Variants in C3orf70 observed in about 807,000 individuals in gnomAD.
C3orf70 encodes the protein chromosome 3 open reading frame 70.
C3orf70 carries 15 observed loss-of-function variants against 20.7 expected under a neutral mutation model. That is an observed-to-expected ratio of 0.72 (90% CI 0.48 to 1.11). The LOEUF (loss-of-function observed/expected upper bound fraction) is 1.11. Among genes scored for constraint, C3orf70 ranks in the 50% most tolerant of loss-of-function variants. The pLI is 0.00. For synonymous variants in C3orf70, 161 were observed against 125.7 expected (o/e 1.28, Z -1.88); for missense variants, 332 against 317.6 (o/e 1.05, Z -0.34).
chr3:185,133,516 G>A (rs908276264), intron 1 of C3orf70, among the ~76,000 whole-genome samples: 15 of 152,166 alleles, frequency 9.9e-5, no homozygotes, highest in African/African-American at 2.9e-4. Flanking sequence ...GCCGAGGCAG[G>A]CGGATCACCT....
intron 1 of C3orf70, among the ~76,000 whole-genome samples, chr3:185,124,527 G>C (rs1577329691): frequency 6.6e-6 from 1 of 152,166 alleles, no homozygotes; most frequent in African/African-American, 2.4e-5. Flanking sequence ...TGTAAATAAA[G>C]GAGTCCTAGA....
At chr3:185,117,115 T>G (rs1716191688) in intron 1 of C3orf70, among the ~76,000 whole-genome samples, 2 of 152,164 alleles carry the variant, frequency 1.3e-5, no homozygotes, top group Admixed American at 1.3e-4. Flanking sequence ...AAACCACATT[T>G]ATGGAAAATC....
intron 1 of C3orf70, among the ~76,000 whole-genome samples, chr3:185,127,999 T>C (rs777661507): frequency 9.2e-5 from 14 of 152,156 alleles, no homozygotes; most frequent in Non-Finnish European, 1.8e-4. Context: ...TTATAGTTCT[T>C]ATACAACTGC....
intron 1 of C3orf70, among the ~76,000 whole-genome samples, chr3:185,087,966 C>T (rs987966535): frequency 3.4e-5 from 5 of 147,566 alleles, no homozygotes; most frequent in African/African-American, 1.3e-4. Flanking sequence ...GGCTGGAGGG[C>T]AATAGCACGA....
intron 1 of C3orf70, among the ~76,000 whole-genome samples, chr3:185,141,233 A>C (rs191482532): frequency 3.3e-5 from 5 of 152,314 alleles, no homozygotes; most frequent in Admixed American, 2.0e-4. Flanking sequence ...CAGAATGCCT[A>C]AAATAAAGAC....
chr3:185,100,799 A>G (rs1715806038), intron 1 of C3orf70, among the ~76,000 whole-genome samples: 1 of 152,134 alleles, frequency 6.6e-6, no homozygotes. Context: ...CACTACCTAG[A>G]CTAATAAAGA....
chr3:185,096,025 G>A (rs572626985), intron 1 of C3orf70, among the ~76,000 whole-genome samples: 14 of 152,184 alleles, frequency 9.2e-5, no homozygotes, highest in African/African-American at 1.4e-4. Context: ...GTGAACCACC[G>A]CGCCTGGCCA....
At chr3:185,141,377 G>T (rs1352544513) in intron 1 of C3orf70, among the ~76,000 whole-genome samples, 2 of 151,598 alleles carry the variant, frequency 1.3e-5, no homozygotes, top group Non-Finnish European at 2.9e-5. Context: ...AACGAAACAT[G>T]TAACTACCAT....
Position 185,091,939 on chromosome 3 carries a change from ATATATATATATATATATATATATATT to A in C3orf70, c.197-8402_197-8377del, listed in dbSNP as rs1423952457. On this transcript the variant is annotated intron_variant, in intron 1 of 1. Transcript: ENST00000335012. ...TATATATATATATATATATATATATATATATATATATATATATATATATATTTTTTTTTTTTTTTAGTAGAGACAGG... is the reference window on the plus strand; with the variant it reads ...TATATATATATATATATATATATATATTTTTTTTTTTTTAGTAGAGACAGG... 4.4e-3 allele frequency among the ~76,000 whole-genome samples: 26 copies of A among 5,878 alleles called. 2 individuals carry two copies. The highest frequency in any genetic ancestry group is 0.014 in the African/African-American group (18 of 1,252). The allele number at this position is 5,878 out of a possible 152,430, so 3.9% of individuals were successfully genotyped here. A position where few individuals can be genotyped will look rare whatever the true frequency, so the allele number is the denominator to read the frequency against.
At position 185,128,900 on chromosome 3, in the gene C3orf70, A is replaced by T. The variant is rs537274679; in HGVS notation, c.196+23728T>A. 7.2e-5 allele frequency among the ~76,000 whole-genome samples: 11 copies of T among 152,342 alleles called. No homozygotes were observed. The East Asian group carries it at 1.5e-3, about 21-fold the overall frequency. On this transcript the variant is annotated intron_variant, in intron 1 of 1. Coordinates refer to ENST00000335012, the MANE Select transcript of C3orf70 (RefSeq NM_001025266.3). ...AGAACTTAGAGGTAATTTCTATCACAGCATGAATGTATGGATTTAATCAAG... is the reference window on the plus strand; with the variant it reads ...AGAACTTAGAGGTAATTTCTATCACTGCATGAATGTATGGATTTAATCAAG...
chr3:185,122,604 T>C (rs1375034699), intron 1 of C3orf70, among the ~76,000 whole-genome samples: 1 of 152,220 alleles, frequency 6.6e-6, no homozygotes, highest in Non-Finnish European at 1.5e-5. Flanking sequence ...GATGGGCTTA[T>C]GGACTTCCCA....
intron 1 of C3orf70, among the ~76,000 whole-genome samples, chr3:185,134,343 A>G (rs1716580245): frequency 6.6e-6 from 1 of 152,180 alleles, no homozygotes; most frequent in Non-Finnish European, 1.5e-5. Context: ...ACTTTTCCCT[A>G]TTCCTCCCCA....
chr3:185,118,819 A>G (rs867856482), intron 1 of C3orf70, among the ~76,000 whole-genome samples: 1 of 152,190 alleles, frequency 6.6e-6, no homozygotes, highest in South Asian at 2.1e-4. Flanking sequence ...TGAATATTGT[A>G]CTCTACGCAA....
chr3:185,095,055 A>G (rs1715673844), intron 1 of C3orf70, among the ~76,000 whole-genome samples: 1 of 152,206 alleles, frequency 6.6e-6, no homozygotes, highest in Non-Finnish European at 1.5e-5. Context: ...TTACAAGGAG[A>G]GAAAAACTGC....
intron 1 of C3orf70, among the ~76,000 whole-genome samples, chr3:185,132,951 ACTT>A (rs1716552311): frequency 6.6e-6 from 1 of 152,248 alleles, no homozygotes; most frequent in African/African-American, 2.4e-5. Context: ...CTGACAGCTG[ACTT>A]CTTCACAGCA....
chr3:185,145,704 AG>A (rs1716859802), intron 1 of C3orf70, among the ~76,000 whole-genome samples: 1 of 152,238 alleles, frequency 6.6e-6, no homozygotes, highest in African/African-American at 2.4e-5. Context: ...ACAGGCAGCT[AG>A]GGGTACTACG....
intron 1 of C3orf70, among the ~76,000 whole-genome samples, chr3:185,125,505 T>C (rs1031126838): frequency 6.6e-6 from 1 of 152,214 alleles, no homozygotes; most frequent in Non-Finnish European, 1.5e-5. Flanking sequence ...CCTAGGCATT[T>C]ACTCAAGAGA....
At chr3:185,121,288 T>G (rs753730080) in intron 1 of C3orf70, among the ~76,000 whole-genome samples, 1 of 151,200 alleles carries the variant, frequency 6.6e-6, no homozygotes, top group African/African-American at 2.4e-5. Flanking sequence ...TGTATACTGC[T>G]CGGGTGACGG....
At chr3:185,110,422 GTTGT>G (rs993112769) in intron 1 of C3orf70, among the ~76,000 whole-genome samples, 9 of 152,212 alleles carry the variant, frequency 5.9e-5, no homozygotes, top group Admixed American at 3.3e-4. Context: ...TTTAATCTGT[GTTGT>G]TTGTCTTTGT....
Sources: gnomAD v4.1 joint callset for allele counts (sites outside exome capture counted in the v4.1 genomes callset) on GRCh38, gnomAD v4.1.1 for gene constraint, MANE v1.5 for transcripts, NCBI Gene and HGNC (gene_info 2026-07-23, HGNC 2026-07-21) for gene names.